The following RAI14 variants were observed in gnomAD, a reference collection of about 807,000 sequenced individuals.
RAI14 encodes retinoic acid induced 14, also known as ankycorbin.
A neutral mutation model predicts 115.4 loss-of-function variants in RAI14; 45 were observed. That is an observed-to-expected ratio of 0.39 (90% CI 0.31 to 0.50). The LOEUF (loss-of-function observed/expected upper bound fraction) is 0.50. Among genes scored for constraint, RAI14 ranks in the 20% least tolerant of loss-of-function variants. The probability of loss-of-function intolerance (pLI) is 0.85; values close to 1 mark genes in which losing one functional copy is unlikely to be tolerated. For missense variants in RAI14, 939 were observed against 1,131.2 expected (o/e 0.83, Z 2.44); for synonymous variants, 371 against 415.4 (o/e 0.89, Z 1.30).
chr5:34,780,548 A>T (rs1162040113), intron 3 of RAI14, among the ~76,000 whole-genome samples: 1 of 152,248 alleles, frequency 6.6e-6, no homozygotes, highest in East Asian at 1.9e-4. Flanking sequence ...CAGCCCCATC[A>T]AAAAGTGGGC....
In RAI14 at chr5:34,668,801, G is replaced by A. The variant is rs563227968; in HGVS notation, c.-49+12326G>A. On this transcript the variant is annotated intron_variant, in intron 1 of 17. Transcript: ENST00000265109. ...TTTTGAGGAAAAACTCATGTCTGCC[G>A]CTAACTTCATGATGTATACAGCCAC... 3.9e-5 allele frequency among the ~76,000 whole-genome samples: 6 copies of A among 151,968 alleles called. 1 individual carries two copies. In the South Asian group the frequency reaches 1.0e-3, roughly 26 times the overall value.
intron 14 of RAI14, among the ~76,000 whole-genome samples, chr5:34,822,250 GTATATATATATA>G (rs376790121): frequency 7.4e-6 from 1 of 134,740 alleles, no homozygotes; most frequent in African/African-American, 2.8e-5. Context: ...ATGTGTGTAT[GTATATATATATA>G]TATATATATA....
At chr5:34,771,291 G>T (rs780742844) in intron 3 of RAI14, among the ~76,000 whole-genome samples, 3 of 152,200 alleles carry the variant, frequency 2.0e-5, no homozygotes, top group Non-Finnish European at 4.4e-5. Context: ...ATTTCTTTGT[G>T]TGAGCGTTGG....
intron 2 of RAI14, among the ~76,000 whole-genome samples, chr5:34,744,858 TC>T (rs1414822973): frequency 3.3e-5 from 5 of 152,178 alleles, no homozygotes; most frequent in African/African-American, 9.7e-5. Flanking sequence ...CCATGCTCCC[TC>T]CCAAGGTTCT....
In RAI14 at chr5:34,823,726, G is replaced by A. The variant is rs1757153432; in HGVS notation, c.1884G>A (p.Glu628=). The change falls in exon 15 of 18, where the codon GAG becomes GAA. Residue 628 remains glutamate (E), a synonymous_variant. Coordinates refer to ENST00000265109, the MANE Select transcript of RAI14 (RefSeq NM_015577.3). The surrounding 1 kb of genome is among the most constrained non-coding windows in gnomAD (Gnocchi z 4.5). ...QMTQEASDEA[E]DMKEAMNRMI... is the part of the protein sequence containing the mutation. ...CACAGGAAGCCAGTGATGAAGCTGA[G>A]GACATGAAAGAAGCCATGAATAGGA... 1 of 1,614,152 alleles carries A rather than the reference G, an allele frequency of 6.2e-7. No individual in the cohort carries two copies. The highest frequency in any genetic ancestry group is 1.1e-5 in the South Asian group (1 of 91,080).
At position 34,704,057 on chromosome 5, in the gene RAI14, C is replaced by T. The variant is rs6874899; in HGVS notation, c.36+17102C>T. ...TACCTAATCTGAAATTCTGGAAGTG[C>T]GGCCCAGTGATCTGTGTTTCAAAAG... On this transcript the variant is annotated intron_variant, in intron 2 of 17. Coordinates refer to ENST00000265109, the MANE Select transcript of RAI14 (RefSeq NM_015577.3). Among the ~76,000 whole-genome samples the T allele has an allele frequency of 5.9e-5, 9 of 152,258 alleles. No homozygotes were observed. The South Asian group carries it at 8.3e-4, about 14-fold the overall frequency.
chr5:34,773,778 A>G (rs1750489024), intron 3 of RAI14, among the ~76,000 whole-genome samples: 1 of 152,218 alleles, frequency 6.6e-6, no homozygotes. Flanking sequence ...ATGCAGAGAA[A>G]AGAAAACTCA....
intron 2 of RAI14, among the ~76,000 whole-genome samples, chr5:34,691,443 C>T (rs1738587437): frequency 6.6e-6 from 1 of 152,042 alleles, no homozygotes; most frequent in Admixed American, 6.6e-5. Flanking sequence ...GCTTCTTTAC[C>T]TCTTTAAATA....
intron 2 of RAI14, among the ~76,000 whole-genome samples, chr5:34,734,525 AAGG>A (rs1217259338): frequency 2.6e-5 from 4 of 152,158 alleles, no homozygotes; most frequent in Non-Finnish European, 4.4e-5. Context: ...TTTTTAGTAG[AAGG>A]AGTAGAAGGA....
At chr5:34,710,641 C>T (rs997471470) in intron 2 of RAI14, among the ~76,000 whole-genome samples, 3 of 152,092 alleles carry the variant, frequency 2.0e-5, no homozygotes, top group African/African-American at 7.2e-5. Context: ...ACAGGGATTC[C>T]CAGGTCCTCT....
intron 2 of RAI14, among the ~76,000 whole-genome samples, chr5:34,703,216 C>A (rs1447858680): frequency 6.6e-6 from 1 of 151,168 alleles, no homozygotes; most frequent in East Asian, 1.9e-4. Context: ...CAAAATTGTA[C>A]ATTACATTAT....
intron 2 of RAI14, among the ~76,000 whole-genome samples, chr5:34,743,202 G>A (rs899772118): frequency 1.3e-5 from 2 of 152,156 alleles, no homozygotes; most frequent in African/African-American, 2.4e-5. Context: ...GATGCCTCTC[G>A]CAGTTCAAGA....
intron 2 of RAI14, among the ~76,000 whole-genome samples, chr5:34,693,070 A>G (rs1738828106): frequency 6.6e-6 from 1 of 152,080 alleles, no homozygotes; most frequent in Non-Finnish European, 1.5e-5. Context: ...CTGTGCCCAG[A>G]TTCCTCCTTT....
chr5:34,726,408 G>C lies in RAI14; in HGVS notation c.37-31060G>C, dbSNP rs1213455854. Among the ~76,000 whole-genome samples the C allele has an allele frequency of 2.0e-5, 3 of 152,110 alleles. No homozygotes were observed. The East Asian group carries it at 5.8e-4, about 29-fold the overall frequency. On this transcript the variant is annotated intron_variant, in intron 2 of 17. Coordinates refer to ENST00000265109, the MANE Select transcript of RAI14 (RefSeq NM_015577.3). ...GTGGCAGGAGAAAGAGTGAGTGAAGGGAGAGGTGCTACACACTTTCAAACA... is the reference window on the plus strand; with the variant it reads ...GTGGCAGGAGAAAGAGTGAGTGAAGCGAGAGGTGCTACACACTTTCAAACA...
intron 1 of RAI14, chr5:34,684,759 C>T (rs930757099): frequency 9.2e-5 from 14 of 152,178 alleles, no homozygotes; most frequent in Admixed American, 7.2e-4. Context: ...GCTTGCACTC[C>T]CCACCCATCC....
chr5:34,750,519 G>A (rs146195219), intron 2 of RAI14, among the ~76,000 whole-genome samples: 65 of 152,180 alleles, frequency 4.3e-4, no homozygotes, highest in African/African-American at 1.5e-3. Flanking sequence ...TGAACCGTTC[G>A]AAGGCGTTTG....
chr5:34,658,011 C>T (rs1742415307), intron 1 of RAI14, among the ~76,000 whole-genome samples: 2 of 152,144 alleles, frequency 1.3e-5, no homozygotes, highest in African/African-American at 4.8e-5. Flanking sequence ...GAGATTGATC[C>T]AGTTCTTATA....
chr5:34,824,330 C>A lies in RAI14; in HGVS notation c.2488C>A (p.Gln830Lys). 1.2e-6 allele frequency: 2 copies of A among 1,614,032 alleles called. No homozygotes were observed. The highest frequency in any genetic ancestry group is 1.7e-6 in the Non-Finnish European group (2 of 1,179,962). Residue 830 changes from glutamine (Q) to lysine (K), a missense_variant, in exon 15 of 18, where the codon CAG becomes AAG. Transcript: ENST00000265109. ...TGTCCAGATTAGAAGTGAGGTCTCA[C>A]AGGTGAAAAGAGAAAAGGAAAATAT... ...EVVQIRSEVSQVKREKENIQT... is the reference protein window; with the variant it reads ...EVVQIRSEVSKVKREKENIQT...
chr5:34,805,066 T>A (rs1182323303), intron 5 of RAI14, among the ~76,000 whole-genome samples: 1 of 152,232 alleles, frequency 6.6e-6, no homozygotes, highest in Non-Finnish European at 1.5e-5. Context: ...TTCTTCGGAA[T>A]CTTTGAAGCC....
Sources: allele counts gnomAD v4.1 joint callset (sites outside exome capture counted in the v4.1 genomes callset), GRCh38; gene constraint gnomAD v4.1.1; non-coding constraint Gnocchi (gnomAD v3.1); transcripts MANE v1.5; gene names NCBI Gene and HGNC (gene_info 2026-07-23, HGNC 2026-07-21).